The following NTM variants were observed in gnomAD, a reference collection of about 807,000 sequenced individuals.
NTM encodes the protein neurotrimin.
A neutral mutation model predicts 42.1 loss-of-function variants in NTM; 13 were observed. The ratio of observed to expected loss-of-function variants is 0.31; its 90% CI spans 0.20 to 0.49. NTM has a LOEUF of 0.49. Among genes scored for constraint, NTM ranks in the 20% least tolerant of loss-of-function variants. The pLI is 0.99. For synonymous variants in NTM, 187 were observed against 179.2 expected (o/e 1.04, Z -0.35); for missense variants, 373 against 452.8 (o/e 0.82, Z 1.60).
At chr11:131,987,504 A>T (rs1339802055) in intron 2 of NTM, among the ~76,000 whole-genome samples, 3 of 152,116 alleles carry the variant, frequency 2.0e-5, no homozygotes, top group African/African-American at 7.2e-5. Context: ...GCAGTAAACA[A>T]ATGTATTGCA....
In NTM at chr11:131,632,714, G is replaced by A. The variant is rs12791007; in HGVS notation, c.82+261826G>A. Reference sequence around the variant, plus strand: ...TTTTGAGACGGAGTTTCGCTCTGTCGCCCAGGCTGGAGTGCAGTGGCGCGA... The same window carrying A: ...TTTTGAGACGGAGTTTCGCTCTGTCACCCAGGCTGGAGTGCAGTGGCGCGA... On this transcript the variant is annotated intron_variant, in intron 1 of 8. Coordinates refer to ENST00000683400, the MANE Select transcript of NTM (RefSeq NM_001352005.2). Among the ~76,000 whole-genome samples, 364 of 103,470 alleles carry A rather than the reference G, an allele frequency of 3.5e-3. 3 individuals are homozygous for A. The highest frequency in any genetic ancestry group is 6.9e-3 in the Admixed American group (47 of 6,772). The allele number at this position is 103,470 out of a possible 152,430, so 67.9% of individuals were successfully genotyped here. A position where few individuals can be genotyped will look rare whatever the true frequency, so the allele number is the denominator to read the frequency against.
At chr11:131,726,139 G>A (rs188716519) in intron 1 of NTM, among the ~76,000 whole-genome samples, 1 of 152,280 alleles carries the variant, frequency 6.6e-6, no homozygotes, top group East Asian at 1.9e-4. Context: ...AAAGCAGACT[G>A]GTTGTGTTTC....
intron 1 of NTM, among the ~76,000 whole-genome samples, chr11:131,551,065 C>T (rs1467215259): frequency 2.0e-5 from 3 of 152,146 alleles, no homozygotes; most frequent in African/African-American, 7.2e-5. Context: ...GAGAAATGAT[C>T]TCACTATGTT....
chr11:132,157,962 C>T (rs985830972), intron 3 of NTM, among the ~76,000 whole-genome samples: 3 of 152,184 alleles, frequency 2.0e-5, no homozygotes, highest in Admixed American at 6.5e-5. Context: ...CTGCCCTCTC[C>T]CAAGCTGCTG....
At chr11:131,675,188 T>C (rs2071160463) in intron 1 of NTM, among the ~76,000 whole-genome samples, 1 of 152,202 alleles carries the variant, frequency 6.6e-6, no homozygotes, top group Admixed American at 6.5e-5. Flanking sequence ...TATTTCTGTT[T>C]AGCAAGACAG....
intron 1 of NTM, among the ~76,000 whole-genome samples, chr11:131,399,724 G>A (rs889654112): frequency 3.3e-5 from 5 of 152,090 alleles, no homozygotes; most frequent in East Asian, 1.9e-4. Context: ...AATCCTTAGC[G>A]CCCATTTGGA....
chr11:132,237,118 C>T (rs1009118848), intron 4 of NTM, among the ~76,000 whole-genome samples: 3 of 152,222 alleles, frequency 2.0e-5, no homozygotes, highest in African/African-American at 7.2e-5. Context: ...ATGGCCATTG[C>T]TGGTGTAAGC....
At chr11:132,295,109 C>T (rs554359541) in intron 4 of NTM, among the ~76,000 whole-genome samples, 1 of 148,044 alleles carries the variant, frequency 6.8e-6, no homozygotes, top group South Asian at 2.1e-4. Context: ...GAATCCAGCC[C>T]TCTCTCTCTC....
chr11:131,614,426 C>T (rs754620637), intron 1 of NTM, among the ~76,000 whole-genome samples: 2 of 152,214 alleles, frequency 1.3e-5, no homozygotes, highest in African/African-American at 2.4e-5. Context: ...ACACTTTCCC[C>T]AAAATGGGTC....
intron 4 of NTM, among the ~76,000 whole-genome samples, chr11:132,299,135 A>C (rs1301460542): frequency 7.2e-6 from 1 of 138,820 alleles, no homozygotes; most frequent in Non-Finnish European, 1.6e-5. Context: ...CTCTACTGAA[A>C]ATAAAAAAAA....
At chr11:131,806,321 T>G (rs969103290) in intron 1 of NTM, among the ~76,000 whole-genome samples, 2 of 152,150 alleles carry the variant, frequency 1.3e-5, no homozygotes, top group African/African-American at 4.8e-5. Flanking sequence ...AATTTGAAGC[T>G]CTCTGGACTT....
At chr11:131,955,061 A>G (rs952966144) in intron 2 of NTM, among the ~76,000 whole-genome samples, 5 of 152,136 alleles carry the variant, frequency 3.3e-5, no homozygotes, top group East Asian at 1.9e-4. Context: ...CCTCCTTAGG[A>G]TATATTCTTC....
At chr11:131,535,377 A>G (rs2052015344) in intron 1 of NTM, 1 of 152,238 alleles carries the variant, frequency 6.6e-6, no homozygotes, top group African/African-American at 2.4e-5. Context: ...ACTCTGGTCC[A>G]TGATTGAAAC....
At chr11:132,018,568 A>G (rs1455512540) in intron 2 of NTM, among the ~76,000 whole-genome samples, 1 of 151,990 alleles carries the variant, frequency 6.6e-6, no homozygotes, top group East Asian at 1.9e-4. Context: ...TCATTTTTGC[A>G]ATAAGTCCCA....
intron 7 of NTM, chr11:132,317,805 G>T (rs2095470422): frequency 8.3e-6 from 4 of 480,464 alleles, no homozygotes; most frequent in South Asian, 5.8e-5. Context: ...AGAGGATGTG[G>T]AAGGCTATTG....
intron 1 of NTM, among the ~76,000 whole-genome samples, chr11:131,607,029 G>A (rs1203918382): frequency 1.3e-5 from 2 of 152,116 alleles, no homozygotes; most frequent in Non-Finnish European, 2.9e-5. Flanking sequence ...TCGGTTTCTG[G>A]GTAATCCCCT....
At chr11:131,591,912 T>C (rs893853626) in intron 1 of NTM, among the ~76,000 whole-genome samples, 4 of 152,228 alleles carry the variant, frequency 2.6e-5, no homozygotes, top group African/African-American at 9.6e-5. Flanking sequence ...ACAGTTCTTG[T>C]GTTATGCTCT....
chr11:132,327,837 T>C (rs1592067841), intron 7 of NTM, among the ~76,000 whole-genome samples: 1 of 149,130 alleles, frequency 6.7e-6, no homozygotes, highest in Admixed American at 6.7e-5. Flanking sequence ...CTCCCTTCCT[T>C]CCTTCCTTCC....
intron 4 of NTM, among the ~76,000 whole-genome samples, chr11:132,286,951 CT>C (rs1296042420): frequency 6.6e-6 from 1 of 152,230 alleles, no homozygotes; most frequent in African/African-American, 2.4e-5. Context: ...TGCCTATGTC[CT>C]TCTCACTCTT....
Sources: gnomAD v4.1 joint callset for allele counts (sites outside exome capture counted in the v4.1 genomes callset) on GRCh38, gnomAD v4.1.1 for gene constraint, MANE v1.5 for transcripts, NCBI Gene and HGNC (gene_info 2026-07-23, HGNC 2026-07-21) for gene names.